The following USP25 variants were observed in gnomAD, a reference collection of about 807,000 sequenced individuals.
USP25 encodes the protein ubiquitin specific peptidase 25.
USP25 carries 85 observed loss-of-function variants against 158.5 expected under a neutral mutation model. The observed-to-expected ratio is 0.54, with a 90% confidence interval of 0.45 to 0.64. The LOEUF (loss-of-function observed/expected upper bound fraction) is 0.64. Ranked by LOEUF, USP25 falls within the 30% of genes least tolerant of loss-of-function variation. The probability of loss-of-function intolerance (pLI) is 0.00; values close to 1 mark genes in which losing one functional copy is unlikely to be tolerated. For missense variants in USP25, 1,242 were observed against 1,327.3 expected (o/e 0.94, Z 1.00); for synonymous variants, 464 against 460.4 (o/e 1.01, Z -0.10).
chr21:15,786,008 A>G (rs1398670354), intron 4 of USP25, among the ~76,000 whole-genome samples: 2 of 152,156 alleles, frequency 1.3e-5, no homozygotes, highest in South Asian at 2.1e-4. Context: ...ACAAGAGACT[A>G]TTATGAACAA....
intron 9 of USP25, among the ~76,000 whole-genome samples, chr21:15,817,203 C>T (rs1282202720): frequency 6.6e-6 from 1 of 151,772 alleles, no homozygotes; most frequent in African/African-American, 2.4e-5. Flanking sequence ...TCATTATCAT[C>T]ATCTAGTTGT....
At chr21:15,791,414 T>A in intron 4 of USP25, 88 bp from the exon 5 acceptor site, 1 of 1,305,900 alleles carries the variant, frequency 7.7e-7, no homozygotes, top group Non-Finnish European at 1.0e-6. Context: ...ATTGAAATCT[T>A]ATGTAATGAA....
chr21:15,864,558 TAATA>T (rs2039576175), intron 21 of USP25, 112 bp downstream of exon 21: 7 of 987,182 alleles, frequency 7.1e-6, no homozygotes, highest in Non-Finnish European at 9.9e-6. Flanking sequence ...GCACATATTT[TAATA>T]AATACGTAAC....
intron 20 of USP25, among the ~76,000 whole-genome samples, chr21:15,850,575 T>A (rs1959995775): frequency 6.6e-6 from 1 of 152,054 alleles, no homozygotes; most frequent in Non-Finnish European, 1.5e-5. Flanking sequence ...TTCACTCTTT[T>A]CAAACCCTTC....
Position 15,824,962 on chromosome 21 carries a change from A to G in USP25, c.1209-4A>G. Reference sequence around the variant, plus strand: ...AAATGCTAATGATTACCTTTTTCTGATAGATACATGCACAGAAACAGAGAA... The same window carrying G: ...AAATGCTAATGATTACCTTTTTCTGGTAGATACATGCACAGAAACAGAGAA... On this transcript the variant is annotated splice_polypyrimidine_tract_variant and splice_region_variant and intron_variant, in intron 11 of 25. Coordinates refer to ENST00000400183, the MANE Select transcript of USP25 (RefSeq NM_001283041.3). 1 of 1,599,620 alleles carries G rather than the reference A, an allele frequency of 6.3e-7. No homozygotes were observed. The highest frequency in any genetic ancestry group is 8.5e-7 in the Non-Finnish European group (1 of 1,169,658).
rs60616271 is a variant in USP25, at chr21:15,740,641, G to GTTTTTTT, written c.45+10230_45+10236dup. Among the ~76,000 whole-genome samples the GTTTTTTT allele has an allele frequency of 2.6e-3, 108 of 41,252 alleles. 1 individual carries two copies. Among genetic ancestry groups the GTTTTTTT allele is most frequent in the Non-Finnish European group, 5.1e-3 (69 of 13,450 alleles). 27.1% of individuals were successfully genotyped at this position (41,252 alleles called of 152,430 possible). On this transcript the variant is annotated intron_variant, in intron 1 of 25. Coordinates refer to ENST00000400183, the MANE Select transcript of USP25 (RefSeq NM_001283041.3). ...GTAATCTTCCTGTTTCTTTCTGGCT[G>GTTTTTTT]TTTTTTTTTTTTTTTTTTTTTTTTT...
chr21:15,764,471 C>T (rs1182081604), intron 2 of USP25, among the ~76,000 whole-genome samples: 2 of 151,840 alleles, frequency 1.3e-5, no homozygotes, highest in Non-Finnish European at 2.9e-5. Context: ...GTATTTAAAC[C>T]TTAATTGTTG....
intron 4 of USP25, 102 bp downstream of exon 4, chr21:15,778,129 A>AC: frequency 9.2e-7 from 1 of 1,091,662 alleles, no homozygotes; most frequent in Non-Finnish European, 1.2e-6. Flanking sequence ...ATACTTTGTT[A>AC]CTCTAAACTA....
At chr21:15,753,754 T>A (rs2123334791) in intron 1 of USP25, among the ~76,000 whole-genome samples, 1 of 151,228 alleles carries the variant, frequency 6.6e-6, no homozygotes, top group African/African-American at 2.4e-5. Context: ...TTGGCTGGAC[T>A]AGAAATTAAA....
chr21:15,794,078 G>A (rs1386084970), intron 5 of USP25, among the ~76,000 whole-genome samples: 3 of 151,528 alleles, frequency 2.0e-5, no homozygotes, highest in Non-Finnish European at 3.0e-5. Flanking sequence ...AAATTTTCTC[G>A]GGGATGGAAT....
At chr21:15,858,790 A>G (rs192381751) in intron 20 of USP25, among the ~76,000 whole-genome samples, 22 of 152,098 alleles carry the variant, frequency 1.4e-4, no homozygotes, top group Non-Finnish European at 2.5e-4. Flanking sequence ...GTTCCGCTTT[A>G]TGAATTTTAA....
rs904824342 is a variant in USP25 at position 15,843,864 on chromosome 21, C to G, written c.2337+1324C>G. ...GGCCTAAATTATGATTAATGAGTGT[C>G]ACTTTTTAAGCTGGTATTAGAAAAC... On this transcript the variant is annotated intron_variant, in intron 18 of 25. Transcript: ENST00000400183. This position sits in a 1 kb window ranked among gnomAD's most constrained non-coding sequence, Gnocchi z 4.0. Among the ~76,000 whole-genome samples, 1 of 152,162 alleles carries G rather than the reference C, an allele frequency of 6.6e-6. No homozygotes were observed. The highest frequency in any genetic ancestry group is 1.5e-5 in the Non-Finnish European group (1 of 68,010).
intron 1 of USP25, among the ~76,000 whole-genome samples, chr21:15,730,660 G>A (rs764743456): frequency 4.6e-5 from 7 of 152,230 alleles, no homozygotes; most frequent in African/African-American, 1.7e-4. Flanking sequence ...TCCTTCTGCC[G>A]ATTGTTTTCC....
chr21:15,830,254 C>T (rs1419552990), intron 14 of USP25, among the ~76,000 whole-genome samples: 1 of 152,068 alleles, frequency 6.6e-6, no homozygotes, highest in East Asian at 1.9e-4. Context: ...TGAAACTCTC[C>T]TTTATAGATT....
chr21:15,843,403 C>T lies in USP25; in HGVS notation c.2337+863C>T, dbSNP rs2038432913. Among the ~76,000 whole-genome samples the T allele has an allele frequency of 6.6e-6, 1 of 152,162 alleles. No individual in the cohort carries two copies. The highest frequency in any genetic ancestry group is 1.5e-5 in the Non-Finnish European group (1 of 68,030). ...AAGTGAATTCAGTGCCAGCAATAAC[C>T]TGCTAATTGCAATGAGGCCTTAAAT... is the stretch of plus-strand genomic sequence containing the variant. On this transcript the variant is annotated intron_variant, in intron 18 of 25. Coordinates refer to ENST00000400183, the MANE Select transcript of USP25 (RefSeq NM_001283041.3). The surrounding 1 kb of genome is among the most constrained non-coding windows in gnomAD (Gnocchi z 4.0).
intron 19 of USP25, 32 bp from the exon 20 acceptor site, chr21:15,849,745 C>A: frequency 6.8e-7 from 1 of 1,470,900 alleles, no homozygotes; most frequent in Non-Finnish European, 9.1e-7. Context: ...GTTTAAAAAC[C>A]TTTTTTTAAT....
At chr21:15,794,360 A>T (rs940838224) in intron 5 of USP25, among the ~76,000 whole-genome samples, 4 of 151,696 alleles carry the variant, frequency 2.6e-5, no homozygotes, top group Admixed American at 1.3e-4. Flanking sequence ...GGCTGCTGGC[A>T]ACATTAGCCT....
chr21:15,733,323 A>G (rs1255314698), intron 1 of USP25, among the ~76,000 whole-genome samples: 1 of 152,132 alleles, frequency 6.6e-6, no homozygotes, highest in Non-Finnish European at 1.5e-5. Context: ...GGCTTAGAAC[A>G]GTTCTTTACA....
At chr21:15,828,961 A>G (rs1401974293) in intron 14 of USP25, among the ~76,000 whole-genome samples, 1 of 152,120 alleles carries the variant, frequency 6.6e-6, no homozygotes, top group Non-Finnish European at 1.5e-5. Flanking sequence ...ATGTAATACT[A>G]TGGATCAGGA....
Sources: gnomAD v4.1 joint callset for allele counts (sites outside exome capture counted in the v4.1 genomes callset) on GRCh38, gnomAD v4.1.1 for gene constraint, Gnocchi (gnomAD v3.1) non-coding constraint, MANE v1.5 for transcripts, NCBI Gene and HGNC (gene_info 2026-07-23, HGNC 2026-07-21) for gene names.